Variants in SCAPER observed in about 807,000 individuals in gnomAD.
The protein encoded by SCAPER is S phase cyclin A-associated protein in the endoplasmic reticulum.
A neutral mutation model predicts 182.2 loss-of-function variants in SCAPER; 98 were observed. The observed-to-expected ratio is 0.54, with a 90% CI of 0.46 to 0.64. The LOEUF is 0.64. Among genes scored for constraint, SCAPER ranks in the 30% least tolerant of loss-of-function variants. SCAPER has a pLI of 0.00. For missense variants in SCAPER, 1,432 were observed against 1,690.0 expected (o/e 0.85, Z 2.68); for synonymous variants, 605 against 564.6 (o/e 1.07, Z -1.01).
At chr15:76,619,336 T>A (rs1263196219) in intron 22 of SCAPER, among the ~76,000 whole-genome samples, 1 of 152,222 alleles carries the variant, frequency 6.6e-6, no homozygotes, top group Non-Finnish European at 1.5e-5. Flanking sequence ...CATCTTTTGA[T>A]AAATATTTGA....
At chr15:76,717,729 A>G (rs1015661550) in intron 17 of SCAPER, among the ~76,000 whole-genome samples, 1 of 152,184 alleles carries the variant, frequency 6.6e-6, no homozygotes, top group South Asian at 2.1e-4. Flanking sequence ...TAAAGGGGTC[A>G]GTTCATCAAT....
intron 2 of SCAPER, among the ~76,000 whole-genome samples, chr15:76,875,693 CG>C: frequency 6.6e-6 from 1 of 152,242 alleles, no homozygotes; most frequent in East Asian, 1.9e-4. Context: ...ACAGCGTGTC[CG>C]GAGTTTGTTC....
chr15:76,619,031 G>C (rs1820545628), intron 22 of SCAPER, among the ~76,000 whole-genome samples: 1 of 152,308 alleles, frequency 6.6e-6, no homozygotes, highest in East Asian at 1.9e-4. Context: ...TTTTAGTAAA[G>C]ATGGGGTTCT....
chr15:76,618,184 C>T (rs1447001988), intron 22 of SCAPER, among the ~76,000 whole-genome samples: 3 of 152,010 alleles, frequency 2.0e-5, no homozygotes, highest in Non-Finnish European at 4.4e-5. Context: ...CACTTGAACC[C>T]GGGAGGAAGA....
At chr15:76,765,121 AGGCC>A in intron 13 of SCAPER, 49 bp from the exon 14 acceptor site, 1 of 1,351,472 alleles carries the variant, frequency 7.4e-7, no homozygotes, top group South Asian at 1.3e-5. Flanking sequence ...TTACATGATA[AGGCC>A]AGAAAAAGTG....
chr15:76,500,198 C>A (rs2040970963), intron 24 of SCAPER, among the ~76,000 whole-genome samples: 1 of 152,184 alleles, frequency 6.6e-6, no homozygotes, highest in Admixed American at 6.5e-5. Flanking sequence ...CTATACCATG[C>A]TGTCTGCTTT....
chr15:76,660,910 T>G (rs2056099128), intron 21 of SCAPER, among the ~76,000 whole-genome samples: 1 of 151,336 alleles, frequency 6.6e-6, no homozygotes. Flanking sequence ...AAAAAAAAAC[T>G]GTTTCTATAA....
intron 26 of SCAPER, among the ~76,000 whole-genome samples, chr15:76,409,340 C>G (rs534609560): frequency 1.3e-5 from 2 of 152,234 alleles, no homozygotes; most frequent in East Asian, 3.9e-4. Flanking sequence ...TCCTAGTCTT[C>G]TTGGAACACA....
At chr15:76,488,813 C>T (rs554522595) in intron 24 of SCAPER, among the ~76,000 whole-genome samples, 4 of 146,454 alleles carry the variant, frequency 2.7e-5, no homozygotes, top group South Asian at 2.2e-4. Flanking sequence ...GCAACCTCTG[C>T]CCCCCAGGTT....
rs547080911 is a variant in SCAPER at position 76,413,192 on chromosome 15, T to C, written c.3312-8513A>G. Among the ~76,000 whole-genome samples the C allele has an allele frequency of 5.3e-5, 8 of 152,338 alleles. No homozygotes were observed. In the East Asian group the frequency reaches 1.3e-3, roughly 26 times the overall value. ...GAGACTGCAAATAATAATAGTTTTATTTTGTCCTTTACAAACTTTATGCCT... is the reference window on the plus strand; with the variant it reads ...GAGACTGCAAATAATAATAGTTTTACTTTGTCCTTTACAAACTTTATGCCT... On this transcript the variant is annotated intron_variant, in intron 26 of 31. Transcript: ENST00000563290.
Position 76,593,462 on chromosome 15 carries a change from C to T in SCAPER, c.2712-19178G>A, listed in dbSNP as rs1450572820. ...GCAGCGGATCTCCTAGCACAGTGCT[C>T]GAGCTCAAATAAAGGACAGACTGCC... On this transcript the variant is annotated intron_variant, in intron 22 of 31. Coordinates refer to ENST00000563290, the MANE Select transcript of SCAPER (RefSeq NM_020843.4). Among the ~76,000 whole-genome samples the T allele has an allele frequency of 4.1e-5, 5 of 120,964 alleles. 2 individuals are homozygous for T. Among genetic ancestry groups the T allele is most frequent in the Non-Finnish European group, 4.0e-5 (2 of 49,650 alleles). The allele number at this position is 120,964 out of a possible 152,430, so 79.4% of individuals were successfully genotyped here.
intron 2 of SCAPER, among the ~76,000 whole-genome samples, chr15:76,879,219 T>C (rs1268701829): frequency 6.6e-6 from 1 of 152,238 alleles, no homozygotes; most frequent in Admixed American, 6.5e-5. Context: ...CTGTATGGAA[T>C]AGCCTGCCCC....
chr15:76,368,145 A>C (rs1322904017), intron 29 of SCAPER, among the ~76,000 whole-genome samples: 2 of 152,206 alleles, frequency 1.3e-5, no homozygotes, highest in African/African-American at 4.8e-5. Flanking sequence ...TGAGTGCTGG[A>C]GTTTCCACTC....
rs77399112 is a variant in SCAPER at position 76,813,031 on chromosome 15, C to A, written c.394-8398G>T. Among the ~76,000 whole-genome samples, 1,184 of 132,000 alleles carry A rather than the reference C, an allele frequency of 9.0e-3. 11 individuals carry two copies. The highest frequency in any genetic ancestry group is 0.032 in the African/African-American group (1,123 of 35,612). 86.6% of individuals were successfully genotyped at this position (132,000 alleles called of 152,430 possible). A position where few individuals can be genotyped will look rare whatever the true frequency, so the allele number is the denominator to read the frequency against. ...ACAAAAATGCTCAATACTAGGGAAC[C>A]AAATTCAACAATACATCAAAAAGAT... On this transcript the variant is annotated intron_variant, in intron 5 of 31. Transcript: ENST00000563290.
At chr15:76,368,129 A>C (rs1596318194) in intron 29 of SCAPER, among the ~76,000 whole-genome samples, 1 of 152,242 alleles carries the variant, frequency 6.6e-6, no homozygotes, top group East Asian at 1.9e-4. Context: ...GAGAACAGAA[A>C]GTCCTTGAGT....
rs185761233 is a variant in SCAPER at position 76,813,933 on chromosome 15, C to G, written c.394-9300G>C. Among the ~76,000 whole-genome samples the G allele has an allele frequency of 7.6e-4, 116 of 152,210 alleles. 1 individual carries two copies. The highest frequency in any genetic ancestry group is 2.7e-3 in the African/African-American group (113 of 41,538). On this transcript the variant is annotated intron_variant, in intron 5 of 31. Coordinates refer to ENST00000563290, the MANE Select transcript of SCAPER (RefSeq NM_020843.4). ...CCGTAATCCTAGCACTTTGGGAGGC[C>G]AAGGTGGGCAGATTACTTGAGGTCA...
At chr15:76,798,093 C>G (rs758328972) in intron 7 of SCAPER, among the ~76,000 whole-genome samples, 24 of 152,066 alleles carry the variant, frequency 1.6e-4, no homozygotes, top group Non-Finnish European at 3.2e-4. Flanking sequence ...GGCACAGTAG[C>G]TTGTACCTGT....
At chr15:76,456,219 G>A (rs1435371264) in intron 25 of SCAPER, among the ~76,000 whole-genome samples, 1 of 152,074 alleles carries the variant, frequency 6.6e-6, no homozygotes, top group Non-Finnish European at 1.5e-5. Flanking sequence ...GATATTTCTG[G>A]TTCTAGATCC....
intron 25 of SCAPER, among the ~76,000 whole-genome samples, chr15:76,443,556 C>A (rs756556749): frequency 6.6e-6 from 1 of 152,190 alleles, no homozygotes; most frequent in Non-Finnish European, 1.5e-5. Flanking sequence ...CCTGCACCAG[C>A]AGACCATCTA....
Sources: gnomAD v4.1 joint callset for allele counts (sites outside exome capture counted in the v4.1 genomes callset) on GRCh38, gnomAD v4.1.1 for gene constraint, MANE v1.5 for transcripts, NCBI Gene and HGNC (gene_info 2026-07-23, HGNC 2026-07-21) for gene names.